Variants in ME2 observed in about 807,000 individuals in gnomAD.
ME2 encodes the protein NAD-dependent malic enzyme, mitochondrial.
A neutral mutation model predicts 73.7 loss-of-function variants in ME2; 60 were observed. The observed-to-expected ratio is 0.81, with a 90% confidence interval of 0.66 to 1.01. The LOEUF is 1.01. Ranked by LOEUF, ME2 falls within the 50% of genes least tolerant of loss-of-function variation. ME2 has a pLI of 0.00. For missense variants in ME2, 594 were observed against 705.5 expected, an observed-to-expected ratio of 0.84 and a Z score of 1.79; for synonymous variants, 199 against 236.9, an observed-to-expected ratio of 0.84 and a Z score of 1.47.
intron 1 of ME2, among the ~76,000 whole-genome samples, chr18:50,880,711 C>T (rs1916298327): frequency 6.6e-6 from 1 of 152,152 alleles, no homozygotes; most frequent in African/African-American, 2.4e-5. Context: ...AGCGACCGCG[C>T]CTAGCTCCTA....
intron 1 of ME2, among the ~76,000 whole-genome samples, chr18:50,892,500 A>G (rs926241815): frequency 6.6e-6 from 1 of 152,196 alleles, no homozygotes; most frequent in African/African-American, 2.4e-5. Context: ...AGAAATGGGT[A>G]TTTCTATCCA....
intron 14 of ME2, 56 bp downstream of exon 14, chr18:50,939,696 A>T (rs1345971846): frequency 8.3e-7 from 1 of 1,212,036 alleles, no homozygotes; most frequent in Non-Finnish European, 1.2e-6. Flanking sequence ...AGATGAGTAG[A>T]TCTGAAAATT....
At chr18:50,911,731 G>A (rs1270096435) in intron 3 of ME2, among the ~76,000 whole-genome samples, 1 of 152,190 alleles carries the variant, frequency 6.6e-6, no homozygotes, top group Non-Finnish European at 1.5e-5. Flanking sequence ...TTGAGGAGCT[G>A]AAGTAAGTCA....
intron 6 of ME2, among the ~76,000 whole-genome samples, chr18:50,917,759 G>T (rs1197129965): frequency 6.6e-6 from 1 of 152,070 alleles, no homozygotes; most frequent in African/African-American, 2.4e-5. Flanking sequence ...ATCACCAAAA[G>T]TCAGGAGTTC....
At chr18:50,923,126 C>T (rs1220834560) in intron 10 of ME2, among the ~76,000 whole-genome samples, 1 of 152,116 alleles carries the variant, frequency 6.6e-6, no homozygotes, top group African/African-American at 2.4e-5. Flanking sequence ...GAAAGGAAAG[C>T]ATGTTTCTTC....
In ME2 at chr18:50,880,526, C is replaced by A. The variant is rs76547657; in HGVS notation, c.-13+1218C>A. The stretch of plus-strand genomic sequence containing the variant: ...TATAGGCCGTTCGCGGTGGCTCACG[C>A]ATGTAATTCCAGCACTTCTGGGAGG... On this transcript the variant is annotated intron_variant, in intron 1 of 15. Coordinates refer to ENST00000321341, the MANE Select transcript of ME2 (RefSeq NM_002396.5). Among the ~76,000 whole-genome samples the A allele has an allele frequency of 1.8e-3, 281 of 152,306 alleles. 1 individual carries two copies. The highest frequency in any genetic ancestry group is 2.5e-3 in the Non-Finnish European group (171 of 68,006).
At chr18:50,908,597 G>T (rs923978287) in intron 3 of ME2, among the ~76,000 whole-genome samples, 8 of 152,226 alleles carry the variant, frequency 5.3e-5, no homozygotes, top group African/African-American at 1.7e-4. Context: ...AGGATACTTT[G>T]GAGAATAAAA....
At chr18:50,946,949 T>G in intron 15 of ME2, 68 bp from the exon 16 acceptor site, 1 of 1,130,056 alleles carries the variant, frequency 8.8e-7, no homozygotes, top group Non-Finnish European at 1.3e-6. Context: ...TCCTGTGTTA[T>G]AATAGTACGT....
chr18:50,940,606 T>A (rs1917924953), intron 15 of ME2, among the ~76,000 whole-genome samples: 1 of 152,192 alleles, frequency 6.6e-6, no homozygotes, highest in Non-Finnish European at 1.5e-5. Context: ...CACACATGCA[T>A]GTAGTCACTT....
Position 50,908,340 on chromosome 18 carries a change from TCTTTCA to T in ME2, c.242+148_242+153del, listed in dbSNP as rs150265169. ...TAACTACTTTTATAAAGATTGTGTT[TCTTTCA>T]CTTCGGTGAATACTTCACAAGTATT... On this transcript the variant is annotated intron_variant, in intron 3 of 15. Coordinates refer to ENST00000321341, the MANE Select transcript of ME2 (RefSeq NM_002396.5). The T allele has an allele frequency of 9.3e-3, 5,209 of 558,222 alleles. 26 individuals carry two copies. The highest frequency in any genetic ancestry group is 0.012 in the Non-Finnish European group (4,093 of 333,660). The allele number at this position is 558,222 out of a possible 1,614,324, so 34.6% of individuals were successfully genotyped here. A position where few individuals can be genotyped will look rare whatever the true frequency, so the allele number is the denominator to read the frequency against.
chr18:50,900,569 A>T (rs1035092840), intron 2 of ME2, among the ~76,000 whole-genome samples: 2 of 152,176 alleles, frequency 1.3e-5, no homozygotes, highest in Non-Finnish European at 2.9e-5. Context: ...GGCGTGAGCC[A>T]CTACGCCCAG....
At chr18:50,917,997 G>A (rs1917323533) in intron 6 of ME2, 113 bp from the exon 7 acceptor site, 2 of 587,654 alleles carry the variant, frequency 3.4e-6, no homozygotes, top group East Asian at 3.1e-5. Flanking sequence ...GTTTCTTGTA[G>A]GGCAATACAT....
At chr18:50,886,195 A>G (rs767382171) in intron 1 of ME2, among the ~76,000 whole-genome samples, 49 of 151,442 alleles carry the variant, frequency 3.2e-4, no homozygotes, top group Non-Finnish European at 5.0e-4. Context: ...TGGGAAGCCT[A>G]TACAGGTATG....
At chr18:50,916,073 G>T in intron 4 of ME2, 95 bp from the exon 5 acceptor site, 1 of 853,060 alleles carries the variant, frequency 1.2e-6, no homozygotes, top group Non-Finnish European at 1.9e-6. Context: ...ACCATGTCTT[G>T]ATATTTTATT....
chr18:50,942,682 CT>C (rs1049390810), intron 15 of ME2: 11 of 293,574 alleles, frequency 3.7e-5, no homozygotes, highest in East Asian at 2.9e-4. Flanking sequence ...CTAACAAAGA[CT>C]TTTTTTTCTT....
In ME2 at chr18:50,951,404, C is replaced by T. The variant is rs1221088954; in HGVS notation, c.*4220C>T. 1 of 152,124 alleles carries T rather than the reference C, an allele frequency of 6.6e-6. No homozygotes were observed. Among genetic ancestry groups the T allele is most frequent in the Non-Finnish European group, 1.5e-5 (1 of 68,022 alleles). The allele number at this position is 152,124 out of a possible 1,614,324, so 9.4% of individuals were successfully genotyped here. Reference sequence around the variant, plus strand: ...TTGGGAAAAATACTTCAAATGCTCCCATAGTTTTTTTTCCTCAAGCCCAGT... The same window carrying T: ...TTGGGAAAAATACTTCAAATGCTCCTATAGTTTTTTTTCCTCAAGCCCAGT... On this transcript the variant is annotated 3_prime_UTR_variant, in exon 16 of 16. Transcript: ENST00000321341.
chr18:50,941,120 G>T (rs1292276372), intron 15 of ME2, among the ~76,000 whole-genome samples: 1 of 151,400 alleles, frequency 6.6e-6, no homozygotes, highest in Non-Finnish European at 1.5e-5. Flanking sequence ...AGTTAGCCAG[G>T]CATGGTGGTG....
chr18:50,931,848 GT>G (rs1917698214), intron 12 of ME2, among the ~76,000 whole-genome samples: 1 of 148,216 alleles, frequency 6.7e-6, no homozygotes, highest in African/African-American at 2.5e-5. Flanking sequence ...CTAATTTTTT[GT>G]ATTTTTTGTA....
intron 11 of ME2, among the ~76,000 whole-genome samples, chr18:50,924,755 C>T (rs1194481677): frequency 1.3e-5 from 2 of 150,264 alleles, no homozygotes; most frequent in Non-Finnish European, 3.0e-5. Context: ...GGAGTTGGCT[C>T]ACTGCAACTT....
Sources: allele counts gnomAD v4.1 joint callset (sites outside exome capture counted in the v4.1 genomes callset), GRCh38; gene constraint gnomAD v4.1.1; transcripts MANE v1.5; gene names NCBI Gene and HGNC (gene_info 2026-07-23, HGNC 2026-07-21).